GREB1L: variants seen among roughly 807,000 people sequenced by gnomAD.
GREB1L encodes GREB1 like retinoic acid receptor coactivator, also known as GREB1-like protein.
In GREB1L, 17 loss-of-function variants were observed where a neutral mutation model predicts 200.8. That is an observed-to-expected ratio of 0.08 (90% CI 0.06 to 0.13). The LOEUF (loss-of-function observed/expected upper bound fraction) is 0.13. Ranked by LOEUF, GREB1L falls within the 10% of genes least tolerant of loss-of-function variation. The pLI, the probability that GREB1L is intolerant of heterozygous loss-of-function variation, is 1.00. For missense variants in GREB1L, 1,657 were observed against 2,367.7 expected (o/e 0.70, Z 6.23); for synonymous variants, 789 against 893.0 (o/e 0.88, Z 2.08).
intron 2 of GREB1L, among the ~76,000 whole-genome samples, chr18:21,374,728 T>C (rs577692152): frequency 6.6e-6 from 1 of 152,310 alleles, no homozygotes; most frequent in Non-Finnish European, 1.5e-5. Flanking sequence ...AAAAATACTT[T>C]TAAAAATTAA....
Position 21,449,652 on chromosome 18 carries a change from A to G in GREB1L, c.1536A>G (p.Arg512=). 6.4e-7 allele frequency: 1 copy of G among 1,551,708 alleles called. No individual in the cohort carries two copies. The highest frequency in any genetic ancestry group is 8.7e-7 in the Non-Finnish European group (1 of 1,146,992). Residue 512 remains arginine, a synonymous_variant, in exon 12 of 33, where the codon AGA becomes AGG. Transcript: ENST00000424526. The part of the protein sequence containing the change: ...VSPGQLPWLA[R]LIASVSQDLV... ...CAGGACAACTCCCCTGGCTTGCTAG[A>G]TTAATTGCCAGCGTATCTCAAGACT...
chr18:21,451,787 C>T (rs1397324929), intron 13 of GREB1L, among the ~76,000 whole-genome samples: 3 of 152,210 alleles, frequency 2.0e-5, no homozygotes, highest in South Asian at 2.1e-4. Context: ...TGAACCACTG[C>T]GCCCAGCCTG....
At chr18:21,286,620 C>T (rs1309586911) in intron 1 of GREB1L, among the ~76,000 whole-genome samples, 1 of 152,158 alleles carries the variant, frequency 6.6e-6, no homozygotes, top group African/African-American at 2.4e-5. Flanking sequence ...GTTCCCAGCA[C>T]TTTACATATA....
intron 1 of GREB1L, among the ~76,000 whole-genome samples, chr18:21,284,786 T>C (rs1284655358): frequency 6.6e-6 from 1 of 152,230 alleles, no homozygotes; most frequent in African/African-American, 2.4e-5. Context: ...CCAGTTTATG[T>C]TCCCATTGCC....
At chr18:21,274,743 C>T (rs115711998) in intron 1 of GREB1L, among the ~76,000 whole-genome samples, 2,664 of 151,734 alleles carry the variant, frequency 0.018, 88 homozygotes, top group African/African-American at 0.061. Flanking sequence ...GAAAACTAGG[C>T]AGGCCTGGTG....
intron 7 of GREB1L, among the ~76,000 whole-genome samples, chr18:21,430,193 G>A (rs191290959): frequency 5.5e-4 from 84 of 152,184 alleles, no homozygotes; most frequent in African/African-American, 2.0e-3. Flanking sequence ...TAGGAATTGG[G>A]GCCTCAACAT....
chr18:21,311,432 A>G (rs2038788709), intron 1 of GREB1L, among the ~76,000 whole-genome samples: 1 of 152,224 alleles, frequency 6.6e-6, no homozygotes, highest in African/African-American at 2.4e-5. Flanking sequence ...TGGCATCACC[A>G]GGCAGGAGTG....
At chr18:21,470,054 G>C (rs1234632389) in intron 15 of GREB1L, among the ~76,000 whole-genome samples, 2 of 152,110 alleles carry the variant, frequency 1.3e-5, no homozygotes, top group African/African-American at 2.4e-5. Context: ...AGAGGCCAAA[G>C]CTGGAGGACT....
At chr18:21,345,546 C>T (rs969310628) in intron 1 of GREB1L, among the ~76,000 whole-genome samples, 4 of 152,132 alleles carry the variant, frequency 2.6e-5, no homozygotes, top group Admixed American at 6.5e-5. Flanking sequence ...CTTTCTAAGA[C>T]TGGGTTACCT....
At chr18:21,430,990 T>G (rs923216678) in intron 7 of GREB1L, among the ~76,000 whole-genome samples, 3 of 121,472 alleles carry the variant, frequency 2.5e-5, no homozygotes, top group Non-Finnish European at 3.4e-5. Context: ...TTAATTTTCA[T>G]TTATTTTATT....
chr18:21,429,280 C>G (rs1308144221), intron 7 of GREB1L, among the ~76,000 whole-genome samples: 1 of 120,468 alleles, frequency 8.3e-6, no homozygotes, highest in Non-Finnish European at 1.8e-5. Flanking sequence ...CTCCTCTCCT[C>G]TCCTCCCCTC....
At chr18:21,472,934 T>C (rs2035539629) in intron 15 of GREB1L, 97 bp from the exon 16 acceptor site, 1 of 749,922 alleles carries the variant, frequency 1.3e-6, no homozygotes, top group East Asian at 3.0e-5. Context: ...ATACAGTTGG[T>C]ACCCAGTGTC....
intron 15 of GREB1L, among the ~76,000 whole-genome samples, chr18:21,469,613 G>C (rs1169289851): frequency 6.6e-6 from 1 of 152,148 alleles, no homozygotes; most frequent in Non-Finnish European, 1.5e-5. Context: ...GGATGTCATT[G>C]TGCCTAAGTC....
chr18:21,464,168 C>G (rs1163184829), intron 15 of GREB1L, among the ~76,000 whole-genome samples: 4 of 151,882 alleles, frequency 2.6e-5, no homozygotes, highest in Non-Finnish European at 5.9e-5. Context: ...TTAGAAAATC[C>G]CCACTTTGTA....
At chr18:21,522,445 G>T (rs1028766283) in intron 32 of GREB1L, among the ~76,000 whole-genome samples, 1 of 152,108 alleles carries the variant, frequency 6.6e-6, no homozygotes. Context: ...CTGCACTCCA[G>T]CCTGGAGACA....
At chr18:21,356,125 C>T (rs2039499982) in intron 1 of GREB1L, among the ~76,000 whole-genome samples, 1 of 151,356 alleles carries the variant, frequency 6.6e-6, no homozygotes, top group African/African-American at 2.4e-5. Flanking sequence ...AGGCATGTGC[C>T]ACCACACCCA....
At chr18:21,334,671 G>A (rs991503910) in intron 1 of GREB1L, among the ~76,000 whole-genome samples, 1 of 152,120 alleles carries the variant, frequency 6.6e-6, no homozygotes, top group African/African-American at 2.4e-5. Context: ...CTACTCAGGA[G>A]GCTGAGGCAG....
intron 17 of GREB1L, among the ~76,000 whole-genome samples, chr18:21,483,123 T>C (rs1170358942): frequency 1.3e-5 from 2 of 152,170 alleles, no homozygotes; most frequent in Non-Finnish European, 2.9e-5. Flanking sequence ...GGCCATCTAT[T>C]TACCAACCTG....
At chr18:21,510,349 AAAC>A (rs1207588265) in intron 27 of GREB1L, among the ~76,000 whole-genome samples, 1 of 152,140 alleles carries the variant, frequency 6.6e-6, no homozygotes, top group African/African-American at 2.4e-5. Flanking sequence ...TATACCCATT[AAAC>A]AACTCCCCAT....
Sources: allele counts gnomAD v4.1 joint callset (sites outside exome capture counted in the v4.1 genomes callset), GRCh38; gene constraint gnomAD v4.1.1; transcripts MANE v1.5; gene names NCBI Gene and HGNC (gene_info 2026-07-23, HGNC 2026-07-21).